TNKS: variants seen among roughly 807,000 people sequenced by gnomAD.
TNKS encodes tankyrase.
TNKS carries 72 observed loss-of-function variants against 135.8 expected under a neutral mutation model. The observed-to-expected ratio is 0.53, with a 90% CI of 0.44 to 0.64. The LOEUF is 0.64. TNKS is among the 30% of genes least tolerant of loss of function. The probability of loss-of-function intolerance (pLI) is 0.00; values close to 1 mark genes in which losing one functional copy is unlikely to be tolerated. For missense variants in TNKS, 1,769 were observed against 1,674.0 expected (o/e 1.06, Z -0.99); for synonymous variants, 849 against 649.3 (o/e 1.31, Z -4.68).
At chr8:9,660,192 A>C in intron 3 of TNKS, among the ~76,000 whole-genome samples, 1 of 152,228 alleles carries the variant, frequency 6.6e-6, no homozygotes, top group Non-Finnish European at 1.5e-5. Flanking sequence ...TTCTGAAACT[A>C]TTCCAATCAA....
chr8:9,567,058 T>C (rs1057161527), intron 1 of TNKS, among the ~76,000 whole-genome samples: 4 of 152,206 alleles, frequency 2.6e-5, no homozygotes, highest in Non-Finnish European at 4.4e-5. Flanking sequence ...AAATCTGTAT[T>C]TTGTGTCATT....
chr8:9,710,124 C>T lies in TNKS; in HGVS notation c.1671-18C>T. 1 of 1,613,404 alleles carries T rather than the reference C, an allele frequency of 6.2e-7. No individual in the cohort carries two copies. The highest frequency in any genetic ancestry group is 8.5e-7 in the Non-Finnish European group (1 of 1,179,470). On this transcript the variant is annotated intron_variant, in intron 10 of 26. Coordinates refer to ENST00000310430, the MANE Select transcript of TNKS (RefSeq NM_003747.3). ...AAAGAGAGACAATTACCTTTTCTTT[C>T]TTTCCTCTTTTCTGTAGTTTCATGA...
chr8:9,610,994 T>C (rs1161278702), intron 2 of TNKS, among the ~76,000 whole-genome samples: 1 of 152,228 alleles, frequency 6.6e-6, no homozygotes, highest in Non-Finnish European at 1.5e-5. Context: ...ATAGCTAAAG[T>C]AATACCTGCT....
At chr8:9,735,928 T>G (rs2128819944) in intron 17 of TNKS, among the ~76,000 whole-genome samples, 1 of 152,202 alleles carries the variant, frequency 6.6e-6, no homozygotes, top group Middle Eastern at 3.4e-3. Context: ...ATAATTTTAA[T>G]CTTTTGTTCA....
intron 3 of TNKS, among the ~76,000 whole-genome samples, chr8:9,652,971 C>G (rs868614157): frequency 6.6e-6 from 1 of 152,276 alleles, no homozygotes; most frequent in South Asian, 2.1e-4. Flanking sequence ...AGAGGTTATC[C>G]TCCTTGTTAG....
chr8:9,761,284 C>T (rs6995292), intron 20 of TNKS, among the ~76,000 whole-genome samples: 15,355 of 152,154 alleles, frequency 0.1, 1,019 homozygotes, highest in African/African-American at 0.18. Context: ...TATTGTTTCT[C>T]CCTTTTTAAT....
chr8:9,568,473 G>T (rs1049017753), intron 1 of TNKS, among the ~76,000 whole-genome samples: 14 of 151,946 alleles, frequency 9.2e-5, no homozygotes, highest in African/African-American at 3.1e-4. Flanking sequence ...GAGACTTACC[G>T]TATGAAAAAT....
intron 11 of TNKS, among the ~76,000 whole-genome samples, chr8:9,711,292 C>G (rs1213611329): frequency 6.6e-6 from 1 of 152,144 alleles, no homozygotes; most frequent in Non-Finnish European, 1.5e-5. Context: ...GCCATTGTGA[C>G]TCGTGATGTC....
chr8:9,627,127 C>G lies in TNKS; in HGVS notation c.994+11450C>G, dbSNP rs548157883. The stretch of plus-strand genomic sequence containing the variant: ...GTAATGAAGCCTCCATGAAGACTCA[C>G]AGAGTTTGGAGAGCTTCCAGAGAGC... On this transcript the variant is annotated intron_variant, in intron 3 of 26. Coordinates refer to ENST00000310430, the MANE Select transcript of TNKS (RefSeq NM_003747.3). Among the ~76,000 whole-genome samples the G allele has an allele frequency of 6.6e-5, 10 of 152,276 alleles. No individual in the cohort carries two copies. In the South Asian group the frequency reaches 1.9e-3, roughly 28 times the overall value.
intron 9 of TNKS, among the ~76,000 whole-genome samples, chr8:9,708,904 AG>A (rs1804185037): frequency 3.9e-5 from 6 of 152,256 alleles, no homozygotes; most frequent in East Asian, 3.9e-4. Context: ...TTGTATTCAA[AG>A]AACTGATTAT....
At chr8:9,586,358 C>T (rs1183365203) in intron 2 of TNKS, among the ~76,000 whole-genome samples, 1 of 152,112 alleles carries the variant, frequency 6.6e-6, no homozygotes, top group Admixed American at 6.5e-5. Context: ...TTGTAATTCC[C>T]ATTTTTCCCA....
intron 20 of TNKS, among the ~76,000 whole-genome samples, chr8:9,758,703 G>A (rs146917986): frequency 6.6e-6 from 1 of 152,198 alleles, no homozygotes; most frequent in African/African-American, 2.4e-5. Context: ...CCGCTTTCAA[G>A]CTCTCTCACA....
chr8:9,717,657 C>G (rs191821658), intron 11 of TNKS, among the ~76,000 whole-genome samples: 1 of 152,058 alleles, frequency 6.6e-6, no homozygotes, highest in Non-Finnish European at 1.5e-5. Flanking sequence ...TCTGTTTATA[C>G]AAGGCATGGT....
rs971216246 is a variant in TNKS, at chr8:9,640,815, C to G, written c.994+25138C>G. Among the ~76,000 whole-genome samples, 3 of 145,830 alleles carry G rather than the reference C, an allele frequency of 2.1e-5. 1 individual carries two copies. The highest frequency in any genetic ancestry group is 5.1e-5 in the African/African-American group (2 of 39,362). ...GATTAAGTGATATGAAACAAGATCA[C>G]TTCACAATTTTATCTAAGCACAGAC... On this transcript the variant is annotated intron_variant, in intron 3 of 26. Coordinates refer to ENST00000310430, the MANE Select transcript of TNKS (RefSeq NM_003747.3).
At chr8:9,594,206 A>G (rs755927886) in intron 2 of TNKS, among the ~76,000 whole-genome samples, 13 of 152,128 alleles carry the variant, frequency 8.5e-5, no homozygotes, top group Non-Finnish European at 1.8e-4. Context: ...TATTTTAAGT[A>G]TAGTATTTTG....
chr8:9,558,268 T>C (rs1797171166), intron 1 of TNKS: 1 of 152,194 alleles, frequency 6.6e-6, no homozygotes, highest in Admixed American at 6.5e-5. Flanking sequence ...AAGGAAATCA[T>C]TGTTAGGTCA....
intron 15 of TNKS, among the ~76,000 whole-genome samples, chr8:9,733,782 T>C (rs974124134): frequency 6.6e-6 from 1 of 152,212 alleles, no homozygotes. Flanking sequence ...AAGTTGGGTT[T>C]TTTTTCTTTG....
chr8:9,720,342 C>T (rs2128812585), intron 11 of TNKS, 32 bp from the exon 12 acceptor site: 7 of 1,534,686 alleles, frequency 4.6e-6, no homozygotes, highest in Non-Finnish European at 6.1e-6. Flanking sequence ...ACAAGATGCT[C>T]AATTCCATGT....
At chr8:9,636,609 T>C (rs915782376) in intron 3 of TNKS, among the ~76,000 whole-genome samples, 3 of 152,332 alleles carry the variant, frequency 2.0e-5, no homozygotes, top group Admixed American at 1.3e-4. Flanking sequence ...CTCTCCTTGC[T>C]TTCTATCTTG....
Sources: allele counts gnomAD v4.1 joint callset (sites outside exome capture counted in the v4.1 genomes callset), GRCh38; gene constraint gnomAD v4.1.1; transcripts MANE v1.5; gene names NCBI Gene and HGNC (gene_info 2026-07-23, HGNC 2026-07-21).